LRP1B: variants seen among roughly 807,000 people sequenced by gnomAD.
The protein encoded by LRP1B is low-density lipoprotein receptor-related protein 1B.
In LRP1B, 217 loss-of-function variants were observed where a neutral mutation model predicts 556.6. That is an observed-to-expected ratio of 0.39 (90% CI 0.35 to 0.44). LRP1B has a LOEUF of 0.44. Among genes scored for constraint, LRP1B ranks in the 20% least tolerant of loss-of-function variants. The pLI is 1.00. For synonymous variants in LRP1B, 2,047 were observed against 1,865.8 expected, an observed-to-expected ratio of 1.10 and a Z score of -2.50; for missense variants, 5,053 against 5,620.8, an observed-to-expected ratio of 0.90 and a Z score of 3.23.
intron 7 of LRP1B, among the ~76,000 whole-genome samples, chr2:141,145,795 A>G (rs1382658659): frequency 2.0e-5 from 3 of 151,828 alleles, no homozygotes; most frequent in African/African-American, 7.3e-5. Context: ...TGCCTCCCAA[A>G]GTGCTGGGAC....
At chr2:142,057,992 T>C (rs752722366) in intron 1 of LRP1B, among the ~76,000 whole-genome samples, 13 of 152,156 alleles carry the variant, frequency 8.5e-5, no homozygotes, top group Non-Finnish European at 1.5e-4. Flanking sequence ...TAATGTACAT[T>C]TGCTGAAGGA....
At chr2:140,725,229 G>A (rs1016706300) in intron 35 of LRP1B, among the ~76,000 whole-genome samples, 2 of 152,026 alleles carry the variant, frequency 1.3e-5, no homozygotes, top group African/African-American at 4.8e-5. Context: ...GAGGGAGGAA[G>A]CTTTCTCATA....
chr2:141,169,788 C>T (rs1263794513), intron 7 of LRP1B, among the ~76,000 whole-genome samples: 3 of 146,160 alleles, frequency 2.1e-5, no homozygotes, highest in African/African-American at 7.7e-5. Flanking sequence ...AGTGCACCTC[C>T]CACACCTTAA....
chr2:141,983,339 A>G (rs1266803808), intron 1 of LRP1B, among the ~76,000 whole-genome samples: 1 of 152,116 alleles, frequency 6.6e-6, no homozygotes, highest in African/African-American at 2.4e-5. Context: ...TGTCGTTACT[A>G]TTTTTAATCC....
rs563259185 is a variant in LRP1B at position 141,577,608 on chromosome 2, A to C, written c.206-97075T>G. 4.6e-5 allele frequency among the ~76,000 whole-genome samples: 7 copies of C among 152,268 alleles called. No individual in the cohort carries two copies. In the South Asian group the frequency reaches 1.2e-3, roughly 27 times the overall value. On this transcript the variant is annotated intron_variant, in intron 2 of 90. Transcript: ENST00000389484. ...CCAAGCACCTGGCAGGCATTTGTAG[A>C]GATCCCCGCTAAAGCCCCCTTCAGC...
intron 66 of LRP1B, among the ~76,000 whole-genome samples, chr2:140,437,557 C>T (rs10496844): frequency 0.031 from 4,727 of 152,126 alleles, 234 homozygotes; most frequent in African/African-American, 0.11. Flanking sequence ...AAGTGTGGAC[C>T]ATTTTCCAAG....
At chr2:141,251,367 T>C (rs558555088) in intron 4 of LRP1B, among the ~76,000 whole-genome samples, 9 of 152,210 alleles carry the variant, frequency 5.9e-5, no homozygotes, top group African/African-American at 1.9e-4. Flanking sequence ...GAAAATAAGA[T>C]AATTGGGAAA....
chr2:141,651,383 G>A (rs934016863), intron 2 of LRP1B, among the ~76,000 whole-genome samples: 2 of 152,148 alleles, frequency 1.3e-5, no homozygotes, highest in African/African-American at 4.8e-5. Flanking sequence ...TTAAAAATGG[G>A]CCAGGCACGG....
intron 2 of LRP1B, among the ~76,000 whole-genome samples, chr2:141,665,118 T>C (rs1318131847): frequency 6.6e-6 from 1 of 152,158 alleles, no homozygotes; most frequent in Non-Finnish European, 1.5e-5. Context: ...GGATTCCCTA[T>C]TTAATAAATG....
intron 35 of LRP1B, among the ~76,000 whole-genome samples, chr2:140,753,807 C>T (rs1350981085): frequency 3.3e-5 from 5 of 152,080 alleles, no homozygotes; most frequent in African/African-American, 7.2e-5. Context: ...TGGAAAAACA[C>T]GACACCAACT....
chr2:140,497,268 A>C (rs1240170903), intron 55 of LRP1B, among the ~76,000 whole-genome samples: 1 of 151,952 alleles, frequency 6.6e-6, no homozygotes, highest in African/African-American at 2.4e-5. Flanking sequence ...TAACCCACTT[A>C]GCAATCCAGT....
intron 7 of LRP1B, among the ~76,000 whole-genome samples, chr2:141,173,677 T>G (rs1440021773): frequency 6.6e-6 from 1 of 152,080 alleles, no homozygotes; most frequent in Non-Finnish European, 1.5e-5. Flanking sequence ...AGGAATCTTA[T>G]GACCATGAAT....
At chr2:142,065,626 TTA>T (rs908603268) in intron 1 of LRP1B, among the ~76,000 whole-genome samples, 8 of 151,354 alleles carry the variant, frequency 5.3e-5, no homozygotes, top group African/African-American at 1.9e-4. Flanking sequence ...AGCAAAATAT[TTA>T]AAGTTTCCAA....
intron 11 of LRP1B, among the ~76,000 whole-genome samples, chr2:141,032,322 T>C (rs189093823): frequency 6.6e-6 from 1 of 152,146 alleles, no homozygotes; most frequent in Admixed American, 6.5e-5. Flanking sequence ...AAATAATGTG[T>C]CTTTTTGAAC....
At position 141,592,624 on chromosome 2, in the gene LRP1B, A is replaced by G. The variant is rs181567846; in HGVS notation, c.206-112091T>C. On this transcript the variant is annotated intron_variant, in intron 2 of 90. Coordinates refer to ENST00000389484, the MANE Select transcript of LRP1B (RefSeq NM_018557.3). ...GGACACAGAAGATATGAAAGTATATATCTACATATCTTGTGACTTAGGACT... is the reference window on the plus strand; with the variant it reads ...GGACACAGAAGATATGAAAGTATATGTCTACATATCTTGTGACTTAGGACT... Among the ~76,000 whole-genome samples, 182 of 152,316 alleles carry G rather than the reference A, an allele frequency of 1.2e-3. 1 individual carries two copies. The highest frequency in any genetic ancestry group is 4.2e-3 in the African/African-American group (176 of 41,568).
chr2:141,067,955 C>A (rs1574039878), intron 7 of LRP1B, among the ~76,000 whole-genome samples: 1 of 151,902 alleles, frequency 6.6e-6, no homozygotes, highest in Admixed American at 6.6e-5. Context: ...GTGAGGGATT[C>A]TCCAGGCCCC....
At chr2:142,097,869 T>A (rs1381006692) in intron 1 of LRP1B, among the ~76,000 whole-genome samples, 3 of 151,654 alleles carry the variant, frequency 2.0e-5, no homozygotes, top group Non-Finnish European at 4.4e-5. Context: ...AAATAATGTA[T>A]CGACAACAGA....
chr2:140,931,958 G>A (rs1272647901), intron 20 of LRP1B, among the ~76,000 whole-genome samples: 1 of 152,266 alleles, frequency 6.6e-6, no homozygotes, highest in East Asian at 1.9e-4. Flanking sequence ...AAATTGCAAT[G>A]TGGATAGGCT....
chr2:141,440,857 C>A (rs954293256), intron 3 of LRP1B, among the ~76,000 whole-genome samples: 1 of 151,998 alleles, frequency 6.6e-6, no homozygotes, highest in South Asian at 2.1e-4. Context: ...AACTTTAATC[C>A]CATCCCTCCA....
Sources: allele counts gnomAD v4.1 joint callset (sites outside exome capture counted in the v4.1 genomes callset), GRCh38; gene constraint gnomAD v4.1.1; transcripts MANE v1.5; gene names NCBI Gene and HGNC (gene_info 2026-07-23, HGNC 2026-07-21).